TAOK3: variants seen among roughly 807,000 people sequenced by gnomAD.
TAOK3 encodes TAO kinase 3.
TAOK3 carries 40 observed loss-of-function variants against 120.4 expected under a neutral mutation model. The observed-to-expected ratio is 0.33, with a 90% CI of 0.26 to 0.43. TAOK3 has a LOEUF of 0.43. Ranked by LOEUF, TAOK3 falls within the 20% of genes least tolerant of loss-of-function variation. The probability of loss-of-function intolerance (pLI) is 1.00; values close to 1 mark genes in which losing one functional copy is unlikely to be tolerated. For synonymous variants in TAOK3, 355 were observed against 387.5 expected, an observed-to-expected ratio of 0.92 and a Z score of 0.99; for missense variants, 821 against 1,112.1, an observed-to-expected ratio of 0.74 and a Z score of 3.72.
intron 1 of TAOK3, among the ~76,000 whole-genome samples, chr12:118,290,248 T>C (rs1316386630): frequency 2.0e-5 from 3 of 152,190 alleles, no homozygotes; most frequent in Non-Finnish European, 4.4e-5. Flanking sequence ...TTGTCTACTC[T>C]TGGATCTTGT....
chr12:118,240,868 A>G (rs1458618903), intron 5 of TAOK3, among the ~76,000 whole-genome samples: 9 of 151,976 alleles, frequency 5.9e-5, no homozygotes, highest in Non-Finnish European at 1.0e-4. Context: ...TAAAAAAATT[A>G]ATGTGAAAAT....
intron 1 of TAOK3, among the ~76,000 whole-genome samples, chr12:118,343,367 C>T (rs929540773): frequency 1.4e-5 from 2 of 147,992 alleles, no homozygotes; most frequent in African/African-American, 5.0e-5. Flanking sequence ...GCGGAGGTTA[C>T]AGTGAGCTCA....
intron 9 of TAOK3, among the ~76,000 whole-genome samples, chr12:118,223,500 C>T (rs1410151885): frequency 1.3e-5 from 2 of 151,718 alleles, no homozygotes; most frequent in East Asian, 3.9e-4. Flanking sequence ...GCGCCCGGCA[C>T]CACGTCTGGC....
intron 1 of TAOK3, among the ~76,000 whole-genome samples, chr12:118,342,703 G>C (rs758420914): frequency 1.1e-4 from 16 of 152,264 alleles, no homozygotes; most frequent in Non-Finnish European, 1.9e-4. Flanking sequence ...CCCGGCTGAG[G>C]CAAGCAGATT....
At chr12:118,207,485 T>G (rs1489776264) in intron 11 of TAOK3, among the ~76,000 whole-genome samples, 1 of 152,210 alleles carries the variant, frequency 6.6e-6, no homozygotes, top group Non-Finnish European at 1.5e-5. Flanking sequence ...AATCTGATTA[T>G]ACAAGCTAAT....
intron 13 of TAOK3, 76 bp from the exon 14 acceptor site, chr12:118,190,017 T>C: frequency 1.3e-6 from 2 of 1,580,108 alleles, no homozygotes; most frequent in South Asian, 2.3e-5. Flanking sequence ...CTCACCCCTC[T>C]TTCTGCACAA....
chr12:118,182,623 A>ATATATTTTTTTTT (rs371125415), intron 14 of TAOK3, among the ~76,000 whole-genome samples: 2 of 92,414 alleles, frequency 2.2e-5, no homozygotes, highest in African/African-American at 9.9e-5. Context: ...ATATATATAT[A>ATATATTTTTTTTT]TTTTTTTTTT....
At chr12:118,336,021 C>T (rs925227498) in intron 1 of TAOK3, among the ~76,000 whole-genome samples, 1 of 152,016 alleles carries the variant, frequency 6.6e-6, no homozygotes, top group Non-Finnish European at 1.5e-5. Context: ...GTCAATTATC[C>T]CCAAATTGTA....
chr12:118,173,637 T>C (rs2036142560), intron 16 of TAOK3, among the ~76,000 whole-genome samples: 2 of 152,346 alleles, frequency 1.3e-5, no homozygotes, highest in South Asian at 4.1e-4. Flanking sequence ...CTTGGGATTA[T>C]AGAGTAAACA....
At chr12:118,213,033 G>A in intron 10 of TAOK3, 38 bp from the exon 11 acceptor site, 1 of 1,403,298 alleles carries the variant, frequency 7.1e-7, no homozygotes, top group Non-Finnish European at 9.8e-7. Flanking sequence ...TAAACTCAGG[G>A]TCTGTAGAGC....
chr12:118,233,650 G>T, intron 9 of TAOK3, 24 bp downstream of exon 9: 1 of 1,520,130 alleles, frequency 6.6e-7, no homozygotes, highest in Non-Finnish European at 9.1e-7. Context: ...AAAATACAAT[G>T]AAAACAAATA....
chr12:118,297,754 T>C (rs922071883), intron 1 of TAOK3, among the ~76,000 whole-genome samples: 5 of 152,134 alleles, frequency 3.3e-5, no homozygotes, highest in Non-Finnish European at 5.9e-5. Flanking sequence ...ATCAATTACA[T>C]GGTAAGAAGT....
intron 1 of TAOK3, among the ~76,000 whole-genome samples, chr12:118,317,533 G>A (rs1281322028): frequency 1.3e-5 from 2 of 151,864 alleles, no homozygotes; most frequent in Non-Finnish European, 2.9e-5. Flanking sequence ...TCCTGACCTC[G>A]TGATCCACCT....
At chr12:118,151,289 G>GCGCGCACACACACACA (rs1214641528) in intron 20 of TAOK3, 131 bp from the exon 21 acceptor site, 3 of 253,072 alleles carry the variant, frequency 1.2e-5, no homozygotes, top group African/African-American at 1.1e-4. Flanking sequence ...GCGCGCGCGC[G>GCGCGCACACACACACA]CACACACACA....
intron 3 of TAOK3, chr12:118,246,534 A>G (rs2040514791): frequency 1.3e-6 from 2 of 1,549,910 alleles, no homozygotes; most frequent in African/African-American, 1.4e-5. Context: ...GGCCACCGCC[A>G]TCCGTGGGGC....
At chr12:118,151,237 A>G (rs2034385040) in intron 20 of TAOK3, 79 bp from the exon 21 acceptor site, 1 of 1,455,278 alleles carries the variant, frequency 6.9e-7, no homozygotes, top group African/African-American at 1.4e-5. Context: ...ACCCATAGGC[A>G]CACATATGAC....
chr12:118,254,672 G>A (rs1055854659), intron 3 of TAOK3, among the ~76,000 whole-genome samples: 1 of 152,114 alleles, frequency 6.6e-6, no homozygotes, highest in Non-Finnish European at 1.5e-5. Flanking sequence ...TTTTCTAGGT[G>A]GGGTAATAGC....
At chr12:118,277,940 A>G (rs2041960710) in intron 1 of TAOK3, among the ~76,000 whole-genome samples, 1 of 152,118 alleles carries the variant, frequency 6.6e-6, no homozygotes, top group African/African-American at 2.4e-5. Flanking sequence ...GTCAACACCT[A>G]AGGCCAAAAC....
chr12:118,239,008 C>T (rs993574018), intron 6 of TAOK3, among the ~76,000 whole-genome samples: 13 of 152,308 alleles, frequency 8.5e-5, no homozygotes, highest in Non-Finnish European at 1.8e-4. Flanking sequence ...GTAGTACCTG[C>T]CCTGGATGGG....
Sources: allele counts gnomAD v4.1 joint callset (sites outside exome capture counted in the v4.1 genomes callset), GRCh38; gene constraint gnomAD v4.1.1; transcripts MANE v1.5; gene names NCBI Gene and HGNC (gene_info 2026-07-23, HGNC 2026-07-21).